Variants in ABTB3 observed in about 807,000 individuals in gnomAD.
ABTB3 encodes the protein ankyrin repeat- and BTB/POZ domain-containing protein 3.
the ABTB3 span, among the ~76,000 whole-genome samples, chr12:107,461,544 G>A: frequency 1.3e-5 from 2 of 152,204 alleles, no homozygotes; most frequent in Admixed American, 6.5e-5. Context: ...TGGACTTCTG[G>A]CCTCCAAACT....
the ABTB3 span, among the ~76,000 whole-genome samples, chr12:107,493,123 G>A: frequency 6.6e-6 from 1 of 152,026 alleles, no homozygotes; most frequent in South Asian, 2.1e-4. Context: ...AAATAGAGGG[G>A]AGAAGAGTAA....
the ABTB3 span, among the ~76,000 whole-genome samples, chr12:107,456,865 T>C: frequency 1.3e-5 from 2 of 152,002 alleles, no homozygotes; most frequent in East Asian, 1.9e-4. Context: ...CTTTTCTTTT[T>C]TTTTTTTCTT....
At chr12:107,645,248 T>C in the ABTB3 span, among the ~76,000 whole-genome samples, 1 of 152,188 alleles carries the variant, frequency 6.6e-6, no homozygotes, top group African/African-American at 2.4e-5. Context: ...ATTACAGGCG[T>C]GAGCCACTGC....
At chr12:107,494,380 C>T in the ABTB3 span, among the ~76,000 whole-genome samples, 1 of 152,152 alleles carries the variant, frequency 6.6e-6, no homozygotes, top group Non-Finnish European at 1.5e-5. Flanking sequence ...GCTGAGTCTG[C>T]TGGTCAGGGA....
At chr12:107,550,906 A>G in the ABTB3 span, among the ~76,000 whole-genome samples, 6 of 152,184 alleles carry the variant, frequency 3.9e-5, no homozygotes, top group African/African-American at 1.4e-4. Flanking sequence ...TTTTAAAAAA[A>G]TAAATAACCC....
the ABTB3 span, among the ~76,000 whole-genome samples, chr12:107,475,598 C>A: frequency 6.6e-6 from 1 of 152,210 alleles, no homozygotes; most frequent in Non-Finnish European, 1.5e-5. Context: ...ACCCCAGGAG[C>A]ACAGGAACTA....
chr12:107,396,481 C>A, the ABTB3 span, among the ~76,000 whole-genome samples: 143 of 152,300 alleles, frequency 9.4e-4, 1 homozygote, highest in South Asian at 4.4e-3. Context: ...AAGATCCATT[C>A]ATCCAGCAGC....
chr12:107,390,845 T>C, the ABTB3 span, among the ~76,000 whole-genome samples: 1 of 152,192 alleles, frequency 6.6e-6, no homozygotes, highest in Non-Finnish European at 1.5e-5. Flanking sequence ...ATAAGCACTT[T>C]CCATGAATTA....
At chr12:107,463,543 A>C in the ABTB3 span, among the ~76,000 whole-genome samples, 1 of 152,166 alleles carries the variant, frequency 6.6e-6, no homozygotes, top group Non-Finnish European at 1.5e-5. Flanking sequence ...AGCGGGGTTA[A>C]GCAACTTGAC....
the ABTB3 span, among the ~76,000 whole-genome samples, chr12:107,355,798 T>A: frequency 6.6e-6 from 1 of 152,200 alleles, no homozygotes; most frequent in Non-Finnish European, 1.5e-5. Flanking sequence ...CTGTTGAGTA[T>A]CAGCAGTGCA....
At chr12:107,469,866 T>TTTCCTTTCTTTC in the ABTB3 span, among the ~76,000 whole-genome samples, 1 of 75,502 alleles carries the variant, frequency 1.3e-5, no homozygotes, top group East Asian at 4.0e-4. Context: ...TCTTTCTTTC[T>TTTCCTTTCTTTC]TTTCTTTCTT....
At chr12:107,580,576 G>A in the ABTB3 span, 277 of 187,166 alleles carry the variant, frequency 1.5e-3, 1 homozygote, top group Admixed American at 4.0e-3. Context: ...CGGTTAACCT[G>A]GCTCTCTTTA....
At chr12:107,389,731 C>T in the ABTB3 span, among the ~76,000 whole-genome samples, 87 of 151,390 alleles carry the variant, frequency 5.7e-4, no homozygotes, top group Non-Finnish European at 1.0e-3. Context: ...TACAGATAGC[C>T]GGGGGGCTCT....
chr12:107,393,684 G>A, the ABTB3 span, among the ~76,000 whole-genome samples: 5 of 152,100 alleles, frequency 3.3e-5, no homozygotes, highest in Admixed American at 2.0e-4. Context: ...TAATCCCAGC[G>A]CTTTGGGAGG....
chr12:107,467,799 C>T, the ABTB3 span, among the ~76,000 whole-genome samples: 1 of 152,134 alleles, frequency 6.6e-6, no homozygotes, highest in African/African-American at 2.4e-5. Flanking sequence ...CTGTTTACAT[C>T]AAAGGTCCCT....
At chr12:107,535,893 A>G in the ABTB3 span, among the ~76,000 whole-genome samples, 1 of 152,264 alleles carries the variant, frequency 6.6e-6, no homozygotes, top group African/African-American at 2.4e-5. Flanking sequence ...AAAGAAATCG[A>G]AAAAAACACC....
chr12:107,318,810 T>TA, the ABTB3 span: 1 of 1,039,478 alleles, frequency 9.6e-7, no homozygotes, highest in Non-Finnish European at 1.4e-6. Context: ...TAACAGTTGG[T>TA]AGCAGCGGCT....
chr12:107,651,636 C>T, the ABTB3 span: 1 of 1,485,102 alleles, frequency 6.7e-7, no homozygotes, highest in Non-Finnish European at 9.4e-7. Flanking sequence ...TTTCCATCCA[C>T]CTCCCAGCCT....
At chr12:107,509,025 C>T in the ABTB3 span, among the ~76,000 whole-genome samples, 2 of 152,116 alleles carry the variant, frequency 1.3e-5, no homozygotes, top group Admixed American at 1.3e-4. Context: ...GAAATGGAGC[C>T]CTAGATCTTT....
Sources: allele counts gnomAD v4.1 joint callset (sites outside exome capture counted in the v4.1 genomes callset), GRCh38; gene constraint gnomAD v4.1.1; transcripts MANE v1.5; gene names NCBI Gene and HGNC (gene_info 2026-07-23, HGNC 2026-07-21).